The following PCDH10 variants were observed in gnomAD, a reference collection of about 807,000 sequenced individuals.
PCDH10 encodes protocadherin-10.
In PCDH10, 15 loss-of-function variants were observed where a neutral mutation model predicts 74.4. That is an observed-to-expected ratio of 0.20 (90% CI 0.13 to 0.31). The LOEUF is 0.31. PCDH10 is among the 10% of genes least tolerant of loss of function. PCDH10 has a pLI of 1.00. For synonymous variants in PCDH10, 619 were observed against 589.8 expected, an observed-to-expected ratio of 1.05 and a Z score of -0.72; for missense variants, 1,260 against 1,390.2, an observed-to-expected ratio of 0.91 and a Z score of 1.49.
intron 4 of PCDH10, among the ~76,000 whole-genome samples, chr4:133,188,706 T>C (rs369853553): frequency 3.0e-5 from 4 of 132,314 alleles, no homozygotes; most frequent in East Asian, 2.4e-4. Context: ...GGAGTTTCGC[T>C]CTTGTCTCAC....
chr4:133,152,286 C>G lies in PCDH10; in HGVS notation c.2146C>G (p.Leu716Val). 6.2e-7 allele frequency: 1 copy of G among 1,614,146 alleles called. No homozygotes were observed. Among genetic ancestry groups the G allele is most frequent in the Non-Finnish European group, 8.5e-7 (1 of 1,180,020 alleles). Reference sequence around the variant, plus strand: ...CGGGGAAACCTCGCTAGACCTCACCCTCATCCTCATCATCGCGTTGGGCTC... The same window carrying G: ...CGGGGAAACCTCGCTAGACCTCACCGTCATCCTCATCATCGCGTTGGGCTC... ...GGGETSLDLT[L>V]ILIIALGSVS... is the part of the protein sequence containing the mutation. The change falls in exon 1 of 5, where the codon CTC becomes GTC. Residue 716 changes from leucine (L) to valine (V), a missense_variant. Physicochemically the swap from Leu to Val is conservative, Grantham distance 32 (BLOSUM62 1). Coordinates refer to ENST00000264360, the MANE Select transcript of PCDH10 (RefSeq NM_032961.3).
At chr4:133,160,437 T>A (rs1726943910) in intron 3 of PCDH10, among the ~76,000 whole-genome samples, 1 of 151,558 alleles carries the variant, frequency 6.6e-6, no homozygotes, top group African/African-American at 2.4e-5. Context: ...CATGCTATAG[T>A]TTATTTTTAA....
chr4:133,160,259 C>T (rs1355880082), intron 3 of PCDH10, among the ~76,000 whole-genome samples: 2 of 151,854 alleles, frequency 1.3e-5, no homozygotes, highest in Admixed American at 1.3e-4. Flanking sequence ...ACCTTTCCTT[C>T]TAGTTATATG....
At chr4:133,156,320 A>G (rs1169167902) in intron 3 of PCDH10, among the ~76,000 whole-genome samples, 1 of 152,200 alleles carries the variant, frequency 6.6e-6, no homozygotes, top group Non-Finnish European at 1.5e-5. Context: ...AGGCTGCTCA[A>G]GGGTCTCTTT....
In PCDH10 at chr4:133,194,332, G is replaced by A. The variant is rs1423983114; in HGVS notation, c.*4172G>A. The A allele has an allele frequency of 1.3e-5, 2 of 151,798 alleles. No individual in the cohort carries two copies. The highest frequency in any genetic ancestry group is 2.1e-4 in the South Asian group (1 of 4,826). 9.4% of individuals were successfully genotyped at this position (151,798 alleles called of 1,614,324 possible). A position where few individuals can be genotyped will look rare whatever the true frequency, so the allele number is the denominator to read the frequency against. ...ATTCAAAAAATACTAAATTTCACAT[G>A]AGACTCAAAAATTTCTGAATGATGG... On this transcript the variant is annotated 3_prime_UTR_variant, in exon 5 of 5. Coordinates refer to ENST00000264360, the MANE Select transcript of PCDH10 (RefSeq NM_032961.3).
intron 4 of PCDH10, among the ~76,000 whole-genome samples, chr4:133,178,132 G>A (rs1230952238): frequency 6.8e-6 from 1 of 147,502 alleles, no homozygotes. Context: ...AGTTGTTTTA[G>A]GTAGACCAAG....
Position 133,152,559 on chromosome 4 carries a change from T to G in PCDH10, c.2419T>G (p.Ser807Ala). Reference protein sequence around the residue: ...SNPAQVPIEESGGFGSHHHNQ... With the variant: ...SNPAQVPIEEAGGFGSHHHNQ... The stretch of plus-strand genomic sequence containing the variant: ...CCCGGCCCAGGTGCCGATAGAGGAG[T>G]CCGGGGGCTTTGGCTCCCACCACCA... The change falls in exon 1 of 5, where the codon TCC becomes GCC. Residue 807 changes from serine (S) to alanine (A), a missense_variant. Ser to Ala is a moderately conservative substitution (Grantham distance 99, BLOSUM62 1). Coordinates refer to ENST00000264360, the MANE Select transcript of PCDH10 (RefSeq NM_032961.3). The G allele has an allele frequency of 6.2e-7, 1 of 1,613,758 alleles. No individual in the cohort carries two copies. The highest frequency in any genetic ancestry group is 8.5e-7 in the Non-Finnish European group (1 of 1,179,950).
intron 1 of PCDH10, 29 bp downstream of exon 1, chr4:133,152,800 T>G (rs1186995946): frequency 5.0e-6 from 8 of 1,613,430 alleles, no homozygotes; most frequent in Non-Finnish European, 6.8e-6. Context: ...GACCACCATC[T>G]CTCATCTCCT....
intron 4 of PCDH10, chr4:133,163,908 T>C: frequency 2.3e-6 from 1 of 443,842 alleles, no homozygotes; most frequent in Non-Finnish European, 4.5e-6. Flanking sequence ...GGAATATTTA[T>C]TTTAGCCTTT....
intron 4 of PCDH10, among the ~76,000 whole-genome samples, chr4:133,177,544 C>G (rs1247332338): frequency 1.3e-5 from 2 of 152,044 alleles, no homozygotes; most frequent in Non-Finnish European, 2.9e-5. Flanking sequence ...AACAAGAGAC[C>G]TAACAACTAA....
At chr4:133,207,355 G>C (rs1042005384) in intron 2 of PCDH10, among the ~76,000 whole-genome samples, 2 of 152,122 alleles carry the variant, frequency 1.3e-5, no homozygotes, top group African/African-American at 2.4e-5. Flanking sequence ...CAATACTTGA[G>C]GTCAATTTAA....
intron 4 of PCDH10, among the ~76,000 whole-genome samples, chr4:133,173,345 A>T (rs1727235325): frequency 6.6e-6 from 1 of 152,030 alleles, no homozygotes; most frequent in Non-Finnish European, 1.5e-5. Context: ...ATCTGTCTTT[A>T]TGGAGAGCAG....
Position 133,152,133 on chromosome 4 carries a change from C to A in PCDH10, c.1993C>A (p.Gln665Lys). The stretch of plus-strand genomic sequence containing the variant: ...GGTGATCGAGGTGCGCGACCATGGG[C>A]AGCCGCCCCTTTCCTCCACCGCCAC... ...ELVIEVRDHG[Q>K]PPLSSTATLV... Residue 665 changes from glutamine to lysine, a missense_variant, in exon 1 of 5, where the codon CAG (glutamine) becomes AAG (lysine). Physicochemically the swap from Gln to Lys is moderately conservative, Grantham distance 53. Coordinates refer to ENST00000264360, the MANE Select transcript of PCDH10 (RefSeq NM_032961.3). The A allele has an allele frequency of 6.4e-7, 1 of 1,567,276 alleles. No individual in the cohort carries two copies. The highest frequency in any genetic ancestry group is 8.6e-7 in the Non-Finnish European group (1 of 1,157,360).
chr4:133,195,036 A>G (rs1450060578), downstream of PCDH10, among the ~76,000 whole-genome samples: 2 of 152,058 alleles, frequency 1.3e-5, no homozygotes, highest in African/African-American at 4.8e-5. Context: ...TAACTTTAGA[A>G]ACACAGCATT....
chr4:133,205,736 T>C (rs1727987130), intron 2 of PCDH10, among the ~76,000 whole-genome samples: 1 of 152,110 alleles, frequency 6.6e-6, no homozygotes, highest in Non-Finnish European at 1.5e-5. Context: ...TTCTTATGTA[T>C]CTATTCCAAA....
Position 133,151,670 on chromosome 4 carries a change from G to A in PCDH10, c.1530G>A (p.Met510Ile). The change falls in exon 1 of 5, where the codon ATG becomes ATA. Residue 510 changes from methionine (M) to isoleucine (I), a missense_variant. This residue lies in a region of PCDH10 where 587 missense variants were observed against 616.9 expected (regional missense o/e 0.95). Transcript: ENST00000264360. ...YSILECQIQGMSVFTYVSINS... is the reference protein window; with the variant it reads ...YSILECQIQGISVFTYVSINS... ...TCCTCGAGTGCCAGATCCAGGGCAT[G>A]AGCGTCTTCACCTACGTTTCTATCA... 1 of 1,613,686 alleles carries A rather than the reference G, an allele frequency of 6.2e-7. No individual in the cohort carries two copies. The highest frequency in any genetic ancestry group is 1.1e-5 in the South Asian group (1 of 91,082).
At chr4:133,197,180 A>G (rs567409731), downstream of PCDH10, among the ~76,000 whole-genome samples, 1 of 152,318 alleles carries the variant, frequency 6.6e-6, no homozygotes, top group East Asian at 1.9e-4. Context: ...ATTGAAAAAT[A>G]CATGTGTATG....
chr4:133,186,291 G>A (rs537850597), intron 4 of PCDH10, among the ~76,000 whole-genome samples: 10 of 152,016 alleles, frequency 6.6e-5, no homozygotes, highest in Non-Finnish European at 1.5e-4. Context: ...TCACTATGAA[G>A]AATAAATGCA....
At position 133,150,074 on chromosome 4, in the gene PCDH10, C is replaced by T. The variant is rs1441664524; in HGVS notation, c.-67C>T. 7.0e-7 allele frequency: 1 copy of T among 1,432,368 alleles called. No homozygotes were observed. Among genetic ancestry groups the T allele is most frequent in the Non-Finnish European group, 9.2e-7 (1 of 1,089,486 alleles). The allele number at this position is 1,432,368 out of a possible 1,614,324, so 88.7% of individuals were successfully genotyped here. On this transcript the variant is annotated 5_prime_UTR_variant, in exon 1 of 5. Coordinates refer to ENST00000264360, the MANE Select transcript of PCDH10 (RefSeq NM_032961.3). The stretch of plus-strand genomic sequence containing the variant: ...TATTTTTTCAGATTTTTTTTTGTTT[C>T]GTGGTGGTGGGGGAGGTGATTGGGT...
Sources: gnomAD v4.1 joint callset for allele counts (sites outside exome capture counted in the v4.1 genomes callset) on GRCh38, gnomAD v4.1.1 for gene constraint, gnomAD v4.1.1 regional missense constraint, MANE v1.5 for transcripts, NCBI Gene and HGNC (gene_info 2026-07-23, HGNC 2026-07-21) for gene names.